The following SYT16 variants were observed in gnomAD, a reference collection of about 807,000 sequenced individuals.
SYT16 encodes synaptotagmin 16, also known as synaptotagmin-16.
SYT16 carries 42 observed loss-of-function variants against 61.4 expected under a neutral mutation model. The observed-to-expected ratio is 0.68, with a 90% CI of 0.53 to 0.89. SYT16 has a LOEUF of 0.89. Ranked by LOEUF, SYT16 falls within the 40% of genes least tolerant of loss-of-function variation. The pLI, the probability that SYT16 is intolerant of heterozygous loss-of-function variation, is 0.00. For missense variants in SYT16, 804 were observed against 807.3 expected (o/e 1.00, Z 0.05); for synonymous variants, 314 against 302.3 (o/e 1.04, Z -0.40).
chr14:62,046,119 T>G (rs2140869407), intron 3 of SYT16, among the ~76,000 whole-genome samples: 1 of 152,268 alleles, frequency 6.6e-6, no homozygotes, highest in East Asian at 1.9e-4. Context: ...ACCTGTTGTT[T>G]CCTGACTTTT....
intron 1 of SYT16, among the ~76,000 whole-genome samples, chr14:61,904,819 C>T (rs2048644182): frequency 6.6e-6 from 1 of 152,182 alleles, no homozygotes; most frequent in South Asian, 2.1e-4. Context: ...GTCTTTTCTT[C>T]CCTATATCTC....
intron 1 of SYT16, among the ~76,000 whole-genome samples, chr14:61,900,982 C>T (rs1298622562): frequency 6.6e-6 from 1 of 152,198 alleles, no homozygotes; most frequent in Admixed American, 6.5e-5. Context: ...TTCCTGAAGC[C>T]TTGTTGACTG....
chr14:61,853,152 C>G (rs2046666514), intron 1 of SYT16, among the ~76,000 whole-genome samples: 1 of 152,232 alleles, frequency 6.6e-6, no homozygotes, highest in Non-Finnish European at 1.5e-5. Flanking sequence ...CTCCTGACCT[C>G]AAATGATCCA....
intron 1 of SYT16, among the ~76,000 whole-genome samples, chr14:61,892,319 C>G (rs2048166101): frequency 6.6e-6 from 1 of 152,084 alleles, no homozygotes; most frequent in Non-Finnish European, 1.5e-5. Flanking sequence ...CTAGCTGCTA[C>G]TCTCGCCCCG....
At chr14:61,907,966 A>G (rs2048788997) in intron 1 of SYT16, among the ~76,000 whole-genome samples, 1 of 152,228 alleles carries the variant, frequency 6.6e-6, no homozygotes, top group South Asian at 2.1e-4. Context: ...AGAGCATGAG[A>G]GACTTTGTGT....
In SYT16 at chr14:62,111,859, T is replaced by G. The variant is rs922622184; in HGVS notation, c.*11152T>G. 1 of 152,104 alleles carries G rather than the reference T, an allele frequency of 6.6e-6. No homozygotes were observed. The highest frequency in any genetic ancestry group is 2.4e-5 in the African/African-American group (1 of 41,448). 9.4% of individuals were successfully genotyped at this position (152,104 alleles called of 1,614,324 possible). On this transcript the variant is annotated 3_prime_UTR_variant, in exon 8 of 8. Transcript: ENST00000683842. ...TCAGAACATTCCATGTGGGTGTCCT[T>G]GTGTTTCTCATAGTATGACTTATTG... is the stretch of plus-strand genomic sequence containing the variant.
rs1299717841 is a variant in SYT16, at chr14:62,109,254, G to C, written c.*8547G>C. 2.7e-5 allele frequency: 4 copies of C among 150,142 alleles called. No homozygotes were observed. Among genetic ancestry groups the C allele is most frequent in the Non-Finnish European group, 4.4e-5 (3 of 67,814 alleles). The allele number at this position is 150,142 out of a possible 1,614,324, so 9.3% of individuals were successfully genotyped here. On this transcript the variant is annotated 3_prime_UTR_variant, in exon 8 of 8. Coordinates refer to ENST00000683842, the MANE Select transcript of SYT16 (RefSeq NM_001367656.1). ...TGTCCCCAGAGTTTTGCCTTTTCCA[G>C]AATGTCATACAGTATGTAGCCTTTT...
At chr14:61,955,839 A>C (rs774091459) in intron 1 of SYT16, among the ~76,000 whole-genome samples, 1 of 152,020 alleles carries the variant, frequency 6.6e-6, no homozygotes, top group African/African-American at 2.4e-5. Context: ...TGGTAATTCT[A>C]TGGTTAATTT....
chr14:62,068,416 G>A (rs2056155936), intron 3 of SYT16, among the ~76,000 whole-genome samples: 1 of 152,078 alleles, frequency 6.6e-6, no homozygotes, highest in South Asian at 2.1e-4. Flanking sequence ...AGTTACCAAG[G>A]GGCAGGGGGC....
At chr14:61,926,577 T>C (rs1018700342) in intron 1 of SYT16, among the ~76,000 whole-genome samples, 15 of 152,224 alleles carry the variant, frequency 9.9e-5, no homozygotes, top group African/African-American at 3.6e-4. Flanking sequence ...CCTTGGACTC[T>C]TTAAAGAGCT....
chr14:61,903,970 G>A (rs2048612381), intron 1 of SYT16, among the ~76,000 whole-genome samples: 1 of 152,212 alleles, frequency 6.6e-6, no homozygotes, highest in Non-Finnish European at 1.5e-5. Flanking sequence ...TATCAATAAT[G>A]AGGGAATGCC....
At chr14:62,024,331 A>C (rs2054020133) in intron 3 of SYT16, among the ~76,000 whole-genome samples, 1 of 152,034 alleles carries the variant, frequency 6.6e-6, no homozygotes, top group South Asian at 2.1e-4. Context: ...CTAAGAGTTT[A>C]AAATATTGGC....
At chr14:61,888,870 A>G (rs766962820) in intron 1 of SYT16, among the ~76,000 whole-genome samples, 40 of 152,062 alleles carry the variant, frequency 2.6e-4, no homozygotes, top group Admixed American at 1.5e-3. Flanking sequence ...AATGATGAGG[A>G]TAAAACTAAT....
intron 1 of SYT16, among the ~76,000 whole-genome samples, chr14:61,906,871 A>G (rs2048745119): frequency 6.6e-6 from 1 of 152,104 alleles, no homozygotes; most frequent in African/African-American, 2.4e-5. Context: ...CAGGAGCTCC[A>G]CAAGGCTCTG....
Position 62,075,305 on chromosome 14 carries a change from G to T in SYT16, c.907G>T (p.Gly303Cys), listed in dbSNP as rs1336555521. The change falls in exon 5 of 8, where the codon GGC becomes TGC. Residue 303 changes from glycine (G) to cysteine (C), a missense_variant. Transcript: ENST00000683842. ...AAGCCTCAGGCGCCAATCCACAGAG[G>T]GCAGCTTGGAGATGGAGACAGCTTT... Reference protein sequence around the residue: ...VQSLRRQSTEGSLEMETAFNS... With the variant: ...VQSLRRQSTECSLEMETAFNS... The T allele has an allele frequency of 6.2e-6, 10 of 1,613,696 alleles. No individual in the cohort carries two copies. Among genetic ancestry groups the T allele is most frequent in the African/African-American group, 1.3e-5 (1 of 74,870 alleles).
intron 5 of SYT16, among the ~76,000 whole-genome samples, chr14:62,076,736 T>C (rs879046286): frequency 6.6e-6 from 1 of 152,202 alleles, no homozygotes; most frequent in African/African-American, 2.4e-5. Flanking sequence ...TCCCACACAC[T>C]AACTCTTAAA....
chr14:61,932,434 C>A (rs910167788), intron 1 of SYT16, among the ~76,000 whole-genome samples: 2 of 152,164 alleles, frequency 1.3e-5, no homozygotes, highest in Non-Finnish European at 2.9e-5. Flanking sequence ...AACTTACAAT[C>A]GTGGTGGAAG....
At chr14:61,990,268 A>G (rs1566742706) in intron 2 of SYT16, among the ~76,000 whole-genome samples, 1 of 152,230 alleles carries the variant, frequency 6.6e-6, no homozygotes, top group Admixed American at 6.6e-5. Context: ...AAAAATAATT[A>G]GCTTTATGAC....
intron 4 of SYT16, among the ~76,000 whole-genome samples, chr14:62,072,403 A>AC (rs2056333814): frequency 6.6e-6 from 1 of 151,888 alleles, no homozygotes; most frequent in African/African-American, 2.4e-5. Flanking sequence ...GTGTGTGTGT[A>AC]CCCCAAGAGA....
Sources: gnomAD v4.1 joint callset for allele counts (sites outside exome capture counted in the v4.1 genomes callset) on GRCh38, gnomAD v4.1.1 for gene constraint, MANE v1.5 for transcripts, NCBI Gene and HGNC (gene_info 2026-07-23, HGNC 2026-07-21) for gene names.